Variants in PTH2R observed in about 807,000 individuals in gnomAD.
PTH2R encodes the protein parathyroid hormone 2 receptor.
A neutral mutation model predicts 60.3 loss-of-function variants in PTH2R; 59 were observed. The ratio of observed to expected loss-of-function variants is 0.98; its 90% CI spans 0.79 to 1.22. PTH2R has a LOEUF of 1.22. Ranked by LOEUF, PTH2R falls within the 50% of genes most tolerant of loss-of-function variation. The pLI is 0.00. For synonymous variants in PTH2R, 256 were observed against 243.8 expected (o/e 1.05, Z -0.47); for missense variants, 749 against 682.6 (o/e 1.10, Z -1.08).
At chr2:208,399,742 T>C (rs1701273171) in intron 1 of PTH2R, among the ~76,000 whole-genome samples, 1 of 152,176 alleles carries the variant, frequency 6.6e-6, no homozygotes, top group South Asian at 2.1e-4. Flanking sequence ...CTCTGAGGAA[T>C]CATAACCATG....
Position 208,427,285 on chromosome 2 carries a change from C to T in PTH2R, c.76-916C>T, listed in dbSNP as rs570713386. On this transcript the variant is annotated intron_variant, in intron 1 of 12. Transcript: ENST00000272847. ...GGTGTGCCTGACTGTTTCTAGAGAA[C>T]GAATGGGAAGGAGTCAATTTTTCCT... Among the ~76,000 whole-genome samples, 55 of 152,268 alleles carry T rather than the reference C, an allele frequency of 3.6e-4. No individual in the cohort carries two copies. The South Asian group carries it at 0.011, about 29-fold the overall frequency.
chr2:208,434,299 C>CAA (rs59899639), intron 2 of PTH2R, among the ~76,000 whole-genome samples: 156 of 139,578 alleles, frequency 1.1e-3, no homozygotes, highest in African/African-American at 3.3e-3. Flanking sequence ...GACTCTGTCT[C>CAA]AAAAAAAAAA....
rs1702225167 is a variant in PTH2R, at chr2:208,443,372, T to C, written c.534T>C (p.Tyr178=). ...YFRRLHCTRN[Y]IHMHLFVSFM... ...GACGATTGCATTGCACTAGGAACTA[T>C]ATCCACATGCACTTATTTGTGTCTT... The change falls in exon 6 of 13, where the codon TAT becomes TAC. Residue 178 remains tyrosine, a synonymous_variant. Transcript: ENST00000272847. The C allele has an allele frequency of 1.3e-6, 2 of 1,598,140 alleles. No homozygotes were observed. The highest frequency in any genetic ancestry group is 1.4e-5 in the African/African-American group (1 of 73,914).
At chr2:208,419,977 C>T (rs1288417463) in intron 1 of PTH2R, among the ~76,000 whole-genome samples, 2 of 152,134 alleles carry the variant, frequency 1.3e-5, no homozygotes, top group Non-Finnish European at 2.9e-5. Flanking sequence ...GAGTTCCTGT[C>T]CTTTGTAGGG....
chr2:208,429,994 G>T (rs1701937693), intron 2 of PTH2R, among the ~76,000 whole-genome samples: 1 of 152,056 alleles, frequency 6.6e-6, no homozygotes. Context: ...CTCTTCCTCT[G>T]CCCTTCCACT....
chr2:208,417,807 A>G (rs1256920380), intron 1 of PTH2R, among the ~76,000 whole-genome samples: 1 of 152,158 alleles, frequency 6.6e-6, no homozygotes, highest in Non-Finnish European at 1.5e-5. Flanking sequence ...TCCAGGAGTA[A>G]CTGTGCAAGT....
intron 8 of PTH2R, among the ~76,000 whole-genome samples, chr2:208,451,372 G>C (rs567628133): frequency 3.0e-4 from 46 of 152,242 alleles, no homozygotes; most frequent in African/African-American, 1.0e-3. Context: ...GAGAAGTTCT[G>C]GGTTTTATTT....
At chr2:208,473,616 T>C (rs1702932143) in intron 9 of PTH2R, among the ~76,000 whole-genome samples, 1 of 152,216 alleles carries the variant, frequency 6.6e-6, no homozygotes, top group African/African-American at 2.4e-5. Flanking sequence ...TTTTACTTAC[T>C]AGCTCTGTCT....
chr2:208,423,692 A>G (rs1311517891), intron 1 of PTH2R, among the ~76,000 whole-genome samples: 1 of 152,140 alleles, frequency 6.6e-6, no homozygotes, highest in African/African-American at 2.4e-5. Flanking sequence ...AGGGGGTTGA[A>G]GTTTCCAGTT....
chr2:208,459,834 A>G (rs546688472), intron 8 of PTH2R, 61 bp from the exon 9 acceptor site: 181 of 1,383,982 alleles, frequency 1.3e-4, no homozygotes, highest in Admixed American at 1.8e-4. Context: ...TTAAAATTCT[A>G]CTTAATACTA....
chr2:208,377,705 C>T (rs1331419044), intron 1 of PTH2R, among the ~76,000 whole-genome samples: 26 of 148,764 alleles, frequency 1.7e-4, no homozygotes, highest in South Asian at 4.2e-4. Flanking sequence ...ACGGGGTGGC[C>T]GGGCAGAGAC....
chr2:208,439,576 A>G (rs968015278), intron 4 of PTH2R, among the ~76,000 whole-genome samples: 1 of 152,040 alleles, frequency 6.6e-6, no homozygotes, highest in Non-Finnish European at 1.5e-5. Flanking sequence ...TAAATGCCAC[A>G]TTTTTATCAG....
upstream of PTH2R, among the ~76,000 whole-genome samples, chr2:208,406,427 G>C (rs1701407272): frequency 6.6e-6 from 1 of 152,072 alleles, no homozygotes; most frequent in African/African-American, 2.4e-5. Context: ...ACTGTCCAGC[G>C]AACAGCCCAG....
intron 1 of PTH2R, among the ~76,000 whole-genome samples, chr2:208,427,277 C>T (rs960946025): frequency 2.6e-5 from 4 of 152,192 alleles, no homozygotes; most frequent in Admixed American, 2.0e-4. Flanking sequence ...CTGACTGTTT[C>T]TAGAGAACGA....
intron 1 of PTH2R, among the ~76,000 whole-genome samples, chr2:208,395,054 A>T (rs887469363): frequency 6.9e-6 from 1 of 145,588 alleles, no homozygotes; most frequent in Non-Finnish European, 1.5e-5. Context: ...TTTCTTTTTT[A>T]TTTTTTTTTT....
intron 1 of PTH2R, among the ~76,000 whole-genome samples, chr2:208,410,451 T>C (rs73983775): frequency 0.019 from 2,849 of 152,304 alleles, 76 homozygotes; most frequent in African/African-American, 0.065. Context: ...TGTATACACA[T>C]GTCCTCTGTC....
chr2:208,389,333 C>T (rs1251001240), intron 1 of PTH2R, among the ~76,000 whole-genome samples: 1 of 151,426 alleles, frequency 6.6e-6, no homozygotes, highest in East Asian at 1.9e-4. Context: ...CTTTATATAT[C>T]ATTTCATTAA....
intron 1 of PTH2R, among the ~76,000 whole-genome samples, chr2:208,369,803 T>A (rs1700659738): frequency 6.6e-6 from 1 of 152,130 alleles, no homozygotes; most frequent in African/African-American, 2.4e-5. Context: ...TTCTTTTATA[T>A]ATAAATTAAT....
intron 1 of PTH2R, among the ~76,000 whole-genome samples, chr2:208,381,918 G>T (rs1338875326): frequency 1.3e-5 from 2 of 152,050 alleles, no homozygotes; most frequent in East Asian, 3.8e-4. Context: ...TTGGACCCTG[G>T]GTAGGAATTT....
Sources: gnomAD v4.1 joint callset for allele counts (sites outside exome capture counted in the v4.1 genomes callset) on GRCh38, gnomAD v4.1.1 for gene constraint, MANE v1.5 for transcripts, NCBI Gene and HGNC (gene_info 2026-07-23, HGNC 2026-07-21) for gene names.